The following FYB1 variants were observed in gnomAD, a reference collection of about 807,000 sequenced individuals.
The protein encoded by FYB1 is FYN-binding protein 1.
In FYB1, 41 loss-of-function variants were observed where a neutral mutation model predicts 94.1. That is an observed-to-expected ratio of 0.44 (90% CI 0.34 to 0.57). The LOEUF is 0.57. Ranked by LOEUF, FYB1 falls within the 20% of genes least tolerant of loss-of-function variation. FYB1 has a pLI of 0.02. For missense variants in FYB1, 1,050 were observed against 976.8 expected (o/e 1.07, Z -1.00); for synonymous variants, 367 against 353.2 (o/e 1.04, Z -0.44).
chr5:39,115,222 A>C (rs1216476838), intron 16 of FYB1, among the ~76,000 whole-genome samples: 1 of 151,672 alleles, frequency 6.6e-6, no homozygotes, highest in Admixed American at 6.6e-5. Flanking sequence ...CAGCCTCTCT[A>C]GTAGCTGGAC....
At chr5:39,173,081 C>G (rs578034244) in intron 2 of FYB1, among the ~76,000 whole-genome samples, 1 of 152,268 alleles carries the variant, frequency 6.6e-6, no homozygotes, top group South Asian at 2.1e-4. Flanking sequence ...TTTATAAGTG[C>G]TCCCTTTTCT....
At chr5:39,177,627 C>T (rs1745858458) in intron 2 of FYB1, among the ~76,000 whole-genome samples, 2 of 152,172 alleles carry the variant, frequency 1.3e-5, no homozygotes, top group Non-Finnish European at 2.9e-5. Context: ...TTTTTTCCCA[C>T]AGTGAGTTTT....
chr5:39,130,564 G>T, intron 10 of FYB1, 26 bp downstream of exon 10: 1 of 1,553,232 alleles, frequency 6.4e-7, no homozygotes, highest in Non-Finnish European at 8.8e-7. Flanking sequence ...ATTGTAAAAT[G>T]TCATTTTAAG....
chr5:39,256,161 T>C (rs1205842860), intron 1 of FYB1, among the ~76,000 whole-genome samples: 3 of 152,188 alleles, frequency 2.0e-5, no homozygotes, highest in Non-Finnish European at 4.4e-5. Flanking sequence ...ATATGGTGTG[T>C]TTCTAGTTTG....
chr5:39,124,954 C>CAT (rs1554021581), intron 12 of FYB1, among the ~76,000 whole-genome samples: 1 of 142,898 alleles, frequency 7.0e-6, no homozygotes, highest in Non-Finnish European at 1.5e-5. Flanking sequence ...CACACACACA[C>CAT]GTACACACAC....
At chr5:39,181,037 G>C (rs780832199) in intron 2 of FYB1, among the ~76,000 whole-genome samples, 2 of 152,166 alleles carry the variant, frequency 1.3e-5, no homozygotes, top group African/African-American at 4.8e-5. Flanking sequence ...AAGGTGTTTT[G>C]CTGGGCATAC....
intron 1 of FYB1, among the ~76,000 whole-genome samples, chr5:39,241,198 T>A (rs536653973): frequency 1.3e-5 from 2 of 152,164 alleles, no homozygotes; most frequent in Non-Finnish European, 2.9e-5. Context: ...ATCAAAGGAA[T>A]GCCTATTGGG....
intron 14 of FYB1, among the ~76,000 whole-genome samples, chr5:39,120,917 G>C (rs1740030988): frequency 6.6e-6 from 1 of 151,688 alleles, no homozygotes; most frequent in Non-Finnish European, 1.5e-5. Context: ...TAACTCTCTG[G>C]GGCAATCAGA....
chr5:39,254,674 T>G (rs1216774416), intron 1 of FYB1, among the ~76,000 whole-genome samples: 2 of 152,166 alleles, frequency 1.3e-5, no homozygotes, highest in African/African-American at 4.8e-5. Flanking sequence ...GTGGAAAACA[T>G]ATTGGCAACT....
chr5:39,227,842 G>A (rs16900077), intron 1 of FYB1, among the ~76,000 whole-genome samples: 99,188 of 152,044 alleles, frequency 0.65, 36,585 homozygotes, highest in Non-Finnish European at 0.83. Flanking sequence ...ATTGAGTCAT[G>A]AGCTTTTGAA....
intron 2 of FYB1, among the ~76,000 whole-genome samples, chr5:39,168,807 CT>C (rs1490050123): frequency 2.6e-5 from 4 of 151,432 alleles, no homozygotes; most frequent in Non-Finnish European, 5.9e-5. Flanking sequence ...ATATTAATTC[CT>C]TTTTTCTTTT....
intron 1 of FYB1, among the ~76,000 whole-genome samples, chr5:39,230,268 G>T (rs567794389): frequency 6.6e-6 from 1 of 152,194 alleles, no homozygotes; most frequent in Non-Finnish European, 1.5e-5. Flanking sequence ...GAAGGCCAGT[G>T]TCAGAGTGAT....
Position 39,257,932 on chromosome 5 carries a change from C to T in FYB1, c.-28+16471G>A, listed in dbSNP as rs115040361. Among the ~76,000 whole-genome samples, 602 of 152,308 alleles carry T rather than the reference C, an allele frequency of 4.0e-3. 6 individuals are homozygous for T. Among genetic ancestry groups the T allele is most frequent in the African/African-American group, 0.014 (579 of 41,570 alleles). On this transcript the variant is annotated intron_variant, in intron 1 of 1. Coordinates refer to the FYB1 transcript ENST00000510188. ...AAATGGGCAGCCAGGTTGAGGACCACTGATCCAAAGCGTCTTTAGCTGTGT... is the reference window on the plus strand; with the variant it reads ...AAATGGGCAGCCAGGTTGAGGACCATTGATCCAAAGCGTCTTTAGCTGTGT...
Position 39,108,361 on chromosome 5 carries a change from A to G in FYB1, c.2436-99T>C, listed in dbSNP as rs1465747579. On this transcript the variant is annotated intron_variant, in intron 17 of 18. Coordinates refer to ENST00000512982, the MANE Select transcript of FYB1 (RefSeq NM_001465.6). ...GAGTAACAGTATAATTTTATAAGACACAATTAAGACTTTTAAGCATAGTAT... is the reference window on the plus strand; with the variant it reads ...GAGTAACAGTATAATTTTATAAGACGCAATTAAGACTTTTAAGCATAGTAT... The G allele has an allele frequency of 4.6e-6, 5 of 1,081,706 alleles. No individual in the cohort carries two copies. The East Asian group carries it at 1.1e-4, about 24-fold the overall frequency. The allele number at this position is 1,081,706 out of a possible 1,614,324, so 67.0% of individuals were successfully genotyped here.
At position 39,127,858 on chromosome 5, in the gene FYB1, G is replaced by C. The variant is rs56166211; in HGVS notation, c.1841-51C>G. ...TCTGTTAATTTTATAATTTGGCCATGTAATGCTCACTCAGATTTTAATTGT... is the reference window on the plus strand; with the variant it reads ...TCTGTTAATTTTATAATTTGGCCATCTAATGCTCACTCAGATTTTAATTGT... On this transcript the variant is annotated intron_variant, in intron 10 of 18. Coordinates refer to ENST00000512982, the MANE Select transcript of FYB1 (RefSeq NM_001465.6). 0.2 allele frequency: 305,557 copies of C among 1,517,440 alleles called. 33,315 individuals carry two copies. The highest frequency in any genetic ancestry group is 0.24 in the Middle Eastern group (1,411 of 5,842). The allele number at this position is 1,517,440 out of a possible 1,614,324, so 94.0% of individuals were successfully genotyped here. A position where few individuals can be genotyped will look rare whatever the true frequency, so the allele number is the denominator to read the frequency against.
chr5:39,112,170 C>CT (rs1366633905), intron 16 of FYB1, among the ~76,000 whole-genome samples: 1 of 151,934 alleles, frequency 6.6e-6, no homozygotes, highest in Non-Finnish European at 1.5e-5. Context: ...TGAAATAACT[C>CT]TTTATCTGTA....
upstream of FYB1, chr5:39,219,687 T>A (rs1579723591): frequency 1.3e-6 from 1 of 742,230 alleles, no homozygotes; most frequent in Non-Finnish European, 1.6e-6. Context: ...TATTGAGTAA[T>A]AAGGAGGAGA....
At chr5:39,143,141 T>G (rs1742331354) in intron 3 of FYB1, among the ~76,000 whole-genome samples, 1 of 152,184 alleles carries the variant, frequency 6.6e-6, no homozygotes, top group East Asian at 1.9e-4. Flanking sequence ...AGCCCAGCCT[T>G]CTCTTCTGAG....
chr5:39,196,712 G>A (rs529783558), intron 2 of FYB1, among the ~76,000 whole-genome samples: 1 of 152,296 alleles, frequency 6.6e-6, no homozygotes, highest in South Asian at 2.1e-4. Context: ...ATTTATGCTT[G>A]ATTCATTGTC....
Sources: gnomAD v4.1 joint callset for allele counts (sites outside exome capture counted in the v4.1 genomes callset) on GRCh38, gnomAD v4.1.1 for gene constraint, MANE v1.5 for transcripts, NCBI Gene and HGNC (gene_info 2026-07-23, HGNC 2026-07-21) for gene names.